The following PPHLN1 variants were observed in gnomAD, a reference collection of about 807,000 sequenced individuals.
PPHLN1 encodes periphilin-1.
Under a neutral mutation model 51.3 loss-of-function variants are expected in PPHLN1, and 29 were observed. The ratio of observed to expected loss-of-function variants is 0.57; its 90% CI spans 0.42 to 0.77. PPHLN1 has a LOEUF of 0.77. PPHLN1 is among the 30% of genes least tolerant of loss of function. PPHLN1 has a pLI of 0.00. For synonymous variants in PPHLN1, 147 were observed against 147.8 expected (o/e 0.99, Z 0.04); for missense variants, 436 against 438.4 (o/e 0.99, Z 0.05).
At chr12:42,407,326 A>G (rs1052420702) in intron 9 of PPHLN1, among the ~76,000 whole-genome samples, 1 of 152,190 alleles carries the variant, frequency 6.6e-6, no homozygotes, top group African/African-American at 2.4e-5. Context: ...GAGCTGGTAG[A>G]TTGACTTCTG....
At chr12:42,444,320 A>G (rs920132090), downstream of PPHLN1, 1 of 151,644 alleles carries the variant, frequency 6.6e-6, no homozygotes, top group African/African-American at 2.4e-5. Flanking sequence ...CTGATAAATT[A>G]CAGAACCTGT....
At chr12:42,354,368 G>C (rs1463229447) in intron 3 of PPHLN1, among the ~76,000 whole-genome samples, 2 of 152,016 alleles carry the variant, frequency 1.3e-5, no homozygotes, top group Admixed American at 1.3e-4. Flanking sequence ...ATAGGTGCAC[G>C]CCACCGTGCC....
chr12:42,374,607 A>ATTT lies in PPHLN1; in HGVS notation c.300-238_300-236dup, dbSNP rs35683626. 4.8e-3 allele frequency: 767 copies of ATTT among 160,286 alleles called. 11 individuals are homozygous for ATTT. Among genetic ancestry groups the ATTT allele is most frequent in the Admixed American group, 6.3e-3 (85 of 13,532 alleles). The allele number at this position is 160,286 out of a possible 1,614,324, so 9.9% of individuals were successfully genotyped here. A position where few individuals can be genotyped will look rare whatever the true frequency, so the allele number is the denominator to read the frequency against. On this transcript the variant is annotated intron_variant, in intron 4 of 9. Transcript: ENST00000358314. ...AGGCACCTGCCACCACGCCCAGCTA[A>ATTT]TTTTTTTTTTTTTTTTTTTTGTATT... is the stretch of plus-strand genomic sequence containing the variant.
rs2076124009 is a variant in PPHLN1 at position 42,374,891 on chromosome 12, A to T, written c.328A>T (p.Ser110Cys). 6.2e-7 allele frequency: 1 copy of T among 1,612,406 alleles called. No individual in the cohort carries two copies. The change falls in exon 5 of 10, where the codon AGT becomes TGT. Residue 110 changes from serine to cysteine, a missense_variant. Ser to Cys is a moderately radical substitution (Grantham distance 112, BLOSUM62 -1). Transcript: ENST00000358314. ...CATGAGAGATGGCTTTAGAAGAAAA[A>T]GTTTCTACTCTTCCCATTATGCGAG... ...RDMRDGFRRKSFYSSHYARER... is the reference protein window; with the variant it reads ...RDMRDGFRRKCFYSSHYARER...
intron 4 of PPHLN1, chr12:42,361,371 A>G (rs900616149): frequency 1.9e-4 from 29 of 152,194 alleles, no homozygotes; most frequent in African/African-American, 6.8e-4. Context: ...CGGCAGTCCA[A>G]CCCTACTAAG....
intron 4 of PPHLN1, among the ~76,000 whole-genome samples, chr12:42,356,659 C>T (rs2074078262): frequency 6.6e-6 from 1 of 152,146 alleles, no homozygotes; most frequent in South Asian, 2.1e-4. Context: ...GAAAAAAATG[C>T]TTTGATAAAA....
intron 2 of PPHLN1, among the ~76,000 whole-genome samples, chr12:42,337,973 G>A (rs1429563157): frequency 1.3e-5 from 2 of 151,842 alleles, no homozygotes; most frequent in Non-Finnish European, 2.9e-5. Context: ...TAGTAGAGAC[G>A]GGGTTTCACC....
intron 4 of PPHLN1, among the ~76,000 whole-genome samples, chr12:42,357,278 A>T (rs968407916): frequency 6.6e-6 from 1 of 152,176 alleles, no homozygotes; most frequent in Non-Finnish European, 1.5e-5. Flanking sequence ...ACGGAAGTTG[A>T]CAAGTTAATT....
intron 7 of PPHLN1, among the ~76,000 whole-genome samples, chr12:42,389,130 T>A (rs1181500443): frequency 1.3e-5 from 2 of 152,014 alleles, no homozygotes; most frequent in Admixed American, 1.3e-4. Flanking sequence ...CCTAGCACTT[T>A]GGGAGGCCGA....
At chr12:42,362,445 C>T (rs767723862) in intron 4 of PPHLN1, among the ~76,000 whole-genome samples, 1 of 152,086 alleles carries the variant, frequency 6.6e-6, no homozygotes, top group Non-Finnish European at 1.5e-5. Flanking sequence ...GAATCCGTTG[C>T]CAAACCAAGG....
Position 42,437,256 on chromosome 12 carries a change from GAA to G in PPHLN1, c.910-4058_910-4057del, listed in dbSNP as rs137914465. Among the ~76,000 whole-genome samples, 1,396 of 152,190 alleles carry G rather than the reference GAA, an allele frequency of 9.2e-3. 21 individuals are homozygous for G. The highest frequency in any genetic ancestry group is 0.031 in the African/African-American group (1,299 of 41,516). On this transcript the variant is annotated intron_variant, in intron 9 of 9. Coordinates refer to ENST00000358314, the MANE Select transcript of PPHLN1 (RefSeq NM_201439.2). The stretch of plus-strand genomic sequence containing the variant: ...TTCCTTTTCTTTGTTTTCCTAGAGA[GAA>G]CTTATCAACTCTAACACCATTTTCT...
At chr12:42,426,228 A>ACACACACACACAC (rs371819974) in intron 9 of PPHLN1, among the ~76,000 whole-genome samples, 1 of 129,788 alleles carries the variant, frequency 7.7e-6, no homozygotes, top group African/African-American at 3.3e-5. Flanking sequence ...ACACACACAC[A>ACACACACACACAC]CCCTCATGCA....
At chr12:42,435,559 A>G (rs922846338) in intron 9 of PPHLN1, among the ~76,000 whole-genome samples, 3 of 152,220 alleles carry the variant, frequency 2.0e-5, no homozygotes, top group Non-Finnish European at 2.9e-5. Context: ...ATTTATCTCC[A>G]GTATTTAATA....
In PPHLN1 at chr12:42,384,903, T is replaced by C. The variant is rs763143875; in HGVS notation, c.512-37T>C. The stretch of plus-strand genomic sequence containing the variant: ...CTCTTGTTCCTCTTGGGCACAGAGG[T>C]GCTGCTGTTAATTCCTCCCTGCCCA... On this transcript the variant is annotated intron_variant, in intron 5 of 9. Transcript: ENST00000358314. 7.1e-6 allele frequency: 11 copies of C among 1,543,024 alleles called. No homozygotes were observed. The South Asian group carries it at 1.0e-4, about 14-fold the overall frequency.
intron 9 of PPHLN1, among the ~76,000 whole-genome samples, chr12:42,428,959 C>G (rs1010582794): frequency 6.6e-6 from 1 of 151,622 alleles, no homozygotes; most frequent in Admixed American, 6.6e-5. Flanking sequence ...CAAATTAAGC[C>G]TACTCCTCCT....
intron 5 of PPHLN1, among the ~76,000 whole-genome samples, chr12:42,378,142 T>G (rs1029922539): frequency 1.7e-5 from 2 of 115,352 alleles, no homozygotes; most frequent in Non-Finnish European, 3.9e-5. Context: ...CTTTCTTTCT[T>G]TCTTTCTTTC....
chr12:42,404,528 T>TCAACAACAACAACAACAACAA (rs143140913), intron 9 of PPHLN1, among the ~76,000 whole-genome samples: 8,089 of 150,918 alleles, frequency 0.054, 676 homozygotes, highest in African/African-American at 0.18. Context: ...AAACTCCGTC[T>TCAACAACAACAACAACAACAA]CAACAACAAC....
intron 9 of PPHLN1, chr12:42,432,132 C>T (rs1057183034): frequency 1.7e-5 from 21 of 1,202,814 alleles, no homozygotes; most frequent in East Asian, 4.6e-5. Flanking sequence ...CCTGCTGTCA[C>T]GCTGATGTCG....
At chr12:42,431,547 A>G (rs2082036585) in intron 9 of PPHLN1, 1 of 577,440 alleles carries the variant, frequency 1.7e-6, no homozygotes, top group East Asian at 2.9e-5. Flanking sequence ...TGAATTCCAA[A>G]TGGTAGAACT....
Sources: gnomAD v4.1 joint callset for allele counts (sites outside exome capture counted in the v4.1 genomes callset) on GRCh38, gnomAD v4.1.1 for gene constraint, MANE v1.5 for transcripts, NCBI Gene and HGNC (gene_info 2026-07-23, HGNC 2026-07-21) for gene names.